The following SLC35F3 variants were observed in gnomAD, a reference collection of about 807,000 sequenced individuals.
The protein encoded by SLC35F3 is solute carrier family 35 member F3.
A neutral mutation model predicts 49.9 loss-of-function variants in SLC35F3; 25 were observed. The observed-to-expected ratio is 0.50, with a 90% CI of 0.37 to 0.70. The LOEUF (loss-of-function observed/expected upper bound fraction) is 0.70, where lower values mean the gene tolerates loss of function less well. Among genes scored for constraint, SLC35F3 ranks in the 30% least tolerant of loss-of-function variants. The pLI, the probability that SLC35F3 is intolerant of heterozygous loss-of-function variation, is 0.00. For missense variants in SLC35F3, 525 were observed against 639.8 expected (o/e 0.82, Z 1.94); for synonymous variants, 275 against 265.4 (o/e 1.04, Z -0.35).
intron 2 of SLC35F3, among the ~76,000 whole-genome samples, chr1:233,995,139 A>G (rs960232287): frequency 1.3e-5 from 2 of 152,260 alleles, no homozygotes; most frequent in Admixed American, 1.3e-4. Context: ...ACCGTCATCA[A>G]CATCATCATC....
intron 3 of SLC35F3, among the ~76,000 whole-genome samples, chr1:234,246,334 C>A (rs777148922): frequency 1.3e-5 from 2 of 152,142 alleles, no homozygotes; most frequent in Non-Finnish European, 1.5e-5. Flanking sequence ...AGCTTCAAGC[C>A]CTTCTAGACA....
At chr1:234,290,530 T>G (rs936153715) in intron 3 of SLC35F3, among the ~76,000 whole-genome samples, 5 of 152,266 alleles carry the variant, frequency 3.3e-5, no homozygotes, top group Admixed American at 2.0e-4. Flanking sequence ...GAAGTGGAAG[T>G]GATGGCTTCA....
chr1:234,175,877 G>A (rs571498998), intron 2 of SLC35F3, among the ~76,000 whole-genome samples: 69 of 152,200 alleles, frequency 4.5e-4, no homozygotes, highest in Middle Eastern at 3.4e-3. Context: ...TCCACCATCC[G>A]CACCCCTTGC....
intron 2 of SLC35F3, among the ~76,000 whole-genome samples, chr1:233,911,286 AAGGTC>A (rs1167188811): frequency 2.0e-5 from 3 of 152,118 alleles, no homozygotes; most frequent in Non-Finnish European, 4.4e-5. Flanking sequence ...TAAAATAGTA[AAGGTC>A]AGGTCAGCAA....
intron 3 of SLC35F3, among the ~76,000 whole-genome samples, chr1:234,258,997 A>G (rs1243053331): frequency 6.6e-6 from 1 of 152,214 alleles, no homozygotes; most frequent in Non-Finnish European, 1.5e-5. Flanking sequence ...ATCCAGAGGA[A>G]GGTATATGGG....
intron 2 of SLC35F3, among the ~76,000 whole-genome samples, chr1:234,042,205 T>C (rs550636823): frequency 9.2e-5 from 14 of 152,344 alleles, no homozygotes; most frequent in African/African-American, 3.1e-4. Context: ...AAATAGTCCA[T>C]TGGACCTTCC....
At chr1:234,308,125 T>G (rs971527656) in intron 3 of SLC35F3, among the ~76,000 whole-genome samples, 3 of 152,208 alleles carry the variant, frequency 2.0e-5, no homozygotes, top group African/African-American at 7.2e-5. Context: ...TGCTTATTCT[T>G]CCTGTGCTAG....
At chr1:234,314,822 T>C (rs1657446015) in intron 4 of SLC35F3, among the ~76,000 whole-genome samples, 1 of 152,162 alleles carries the variant, frequency 6.6e-6, no homozygotes, top group Non-Finnish European at 1.5e-5. Context: ...GCATCTGGAA[T>C]TGGGCCATTT....
rs1664298491 is a variant in SLC35F3, at chr1:234,046,820, G to A, written c.283+141062G>A. On this transcript the variant is annotated intron_variant, in intron 2 of 7. Coordinates refer to ENST00000366618, the MANE Select transcript of SLC35F3 (RefSeq NM_173508.4). The surrounding 1 kb of genome is among the most constrained non-coding windows in gnomAD (Gnocchi z 4.4). ...TACATCTCTAATTCTAGTTTTTTTC[G>A]GTATTAAGTAATCTCATTAACTGCA... Among the ~76,000 whole-genome samples, 1 of 151,650 alleles carries A rather than the reference G, an allele frequency of 6.6e-6. No individual in the cohort carries two copies. Among genetic ancestry groups the A allele is most frequent in the East Asian group, 1.9e-4 (1 of 5,184 alleles).
intron 2 of SLC35F3, among the ~76,000 whole-genome samples, chr1:233,965,172 T>C (rs956926546): frequency 3.9e-5 from 6 of 152,176 alleles, no homozygotes. Context: ...TCTCTAAGGG[T>C]TGAAGTTTTT....
intron 3 of SLC35F3, among the ~76,000 whole-genome samples, chr1:234,260,139 T>C (rs1479063146): frequency 6.6e-6 from 1 of 152,166 alleles, no homozygotes; most frequent in East Asian, 1.9e-4. Flanking sequence ...TAAGTGAATA[T>C]TCTCTTTTCT....
chr1:234,087,677 A>G (rs1302853065), intron 2 of SLC35F3, among the ~76,000 whole-genome samples: 2 of 152,306 alleles, frequency 1.3e-5, no homozygotes, highest in East Asian at 3.9e-4. Flanking sequence ...TTCTGTTAAA[A>G]AAAACCCTCC....
intron 2 of SLC35F3, among the ~76,000 whole-genome samples, chr1:234,218,828 A>G (rs1446620103): frequency 6.6e-6 from 1 of 152,060 alleles, no homozygotes; most frequent in Admixed American, 6.5e-5. Context: ...AGGTGGGTGG[A>G]TCATGAGGTC....
chr1:234,033,405 G>A (rs1170739527), intron 2 of SLC35F3, among the ~76,000 whole-genome samples: 1 of 152,140 alleles, frequency 6.6e-6, no homozygotes, highest in Non-Finnish European at 1.5e-5. Context: ...TTTGCTTTGG[G>A]ATTCCTGGTA....
chr1:233,974,530 A>G (rs1663047778), intron 2 of SLC35F3, among the ~76,000 whole-genome samples: 1 of 152,104 alleles, frequency 6.6e-6, no homozygotes, highest in Non-Finnish European at 1.5e-5. Context: ...CTGGAAACCA[A>G]ATTGTGTTCT....
At chr1:234,280,983 G>T (rs1291617775) in intron 3 of SLC35F3, among the ~76,000 whole-genome samples, 1 of 152,140 alleles carries the variant, frequency 6.6e-6, no homozygotes, top group Non-Finnish European at 1.5e-5. Context: ...CAGCAGCTTG[G>T]GTTCCATGCT....
At chr1:234,108,133 A>G (rs1665311493) in intron 2 of SLC35F3, among the ~76,000 whole-genome samples, 1 of 148,880 alleles carries the variant, frequency 6.7e-6, no homozygotes, top group Admixed American at 7.0e-5. Flanking sequence ...TTAAAAATAT[A>G]GTGACCAACC....
intron 3 of SLC35F3, among the ~76,000 whole-genome samples, chr1:234,249,460 C>A (rs910295094): frequency 6.6e-6 from 1 of 152,170 alleles, no homozygotes; most frequent in African/African-American, 2.4e-5. Flanking sequence ...ATTCCTTATG[C>A]CACCTCTTGT....
chr1:234,297,553 A>G (rs552425348), intron 3 of SLC35F3, among the ~76,000 whole-genome samples: 1 of 152,308 alleles, frequency 6.6e-6, no homozygotes, highest in African/African-American at 2.4e-5. Flanking sequence ...CAAATACTAT[A>G]TGATCTCACT....
Sources: gnomAD v4.1 joint callset for allele counts (sites outside exome capture counted in the v4.1 genomes callset) on GRCh38, gnomAD v4.1.1 for gene constraint, Gnocchi (gnomAD v3.1) non-coding constraint, MANE v1.5 for transcripts, NCBI Gene and HGNC (gene_info 2026-07-23, HGNC 2026-07-21) for gene names.